Variants in CNOT6 observed in about 807,000 individuals in gnomAD.
CNOT6 encodes carbon catabolite repression 4 protein.
In CNOT6, 12 loss-of-function variants were observed where a neutral mutation model predicts 61.2. The ratio of observed to expected loss-of-function variants is 0.20; its 90% CI spans 0.13 to 0.32. The LOEUF is 0.32. Among genes scored for constraint, CNOT6 ranks in the 10% least tolerant of loss-of-function variants. The pLI is 1.00. For missense variants in CNOT6, 405 were observed against 663.9 expected (o/e 0.61, Z 4.28); for synonymous variants, 225 against 240.6 (o/e 0.94, Z 0.60).
intron 9 of CNOT6, 55 bp from the exon 10 acceptor site, chr5:180,569,055 A>G (rs1012738610): frequency 7.7e-7 from 1 of 1,291,178 alleles, no homozygotes; most frequent in Non-Finnish European, 1.1e-6. Flanking sequence ...GTAAGAATAT[A>G]TGGGCTGATG....
At position 180,573,552 on chromosome 5, in the gene CNOT6, A is replaced by AGT. The variant is rs755954581; in HGVS notation, c.1462-387_1462-386dup. On this transcript the variant is annotated intron_variant, in intron 11 of 11. Transcript: ENST00000261951. Reference sequence around the variant, plus strand: ...TCCAGGCAGAATGGTGGAGGGGGGCAGTGTGTGTGTGTGTGTGTGTGTGTG... The same window carrying AGT: ...TCCAGGCAGAATGGTGGAGGGGGGCAGTGTGTGTGTGTGTGTGTGTGTGTGTG... Among the ~76,000 whole-genome samples the AGT allele has an allele frequency of 3.8e-3, 451 of 119,248 alleles. 5 individuals are homozygous for AGT. The highest frequency in any genetic ancestry group is 7.0e-3 in the African/African-American group (218 of 31,130). The allele number at this position is 119,248 out of a possible 152,430, so 78.2% of individuals were successfully genotyped here.
At chr5:180,532,590 A>G (rs1340468110) in intron 2 of CNOT6, among the ~76,000 whole-genome samples, 2 of 152,152 alleles carry the variant, frequency 1.3e-5, no homozygotes, top group Admixed American at 6.5e-5. Context: ...TCTTTTCCCC[A>G]CACAGCAAGC....
At chr5:180,530,822 G>A (rs1416181053) in intron 2 of CNOT6, among the ~76,000 whole-genome samples, 1 of 152,070 alleles carries the variant, frequency 6.6e-6, no homozygotes, top group Non-Finnish European at 1.5e-5. Flanking sequence ...ATCTTGCACC[G>A]CCCTTAATCC....
intron 4 of CNOT6, among the ~76,000 whole-genome samples, chr5:180,563,789 G>C (rs868847045): frequency 2.6e-5 from 4 of 152,182 alleles, no homozygotes; most frequent in Admixed American, 6.5e-5. Context: ...CTGCACTGTT[G>C]TTATTTGTAC....
intron 1 of CNOT6, among the ~76,000 whole-genome samples, chr5:180,527,774 G>C (rs1484009316): frequency 6.6e-6 from 1 of 152,276 alleles, no homozygotes; most frequent in South Asian, 2.1e-4. Flanking sequence ...CCTGGTACTC[G>C]TCCATGGCCT....
intron 1 of CNOT6, among the ~76,000 whole-genome samples, chr5:180,499,744 C>T (rs757322702): frequency 2.6e-5 from 4 of 152,142 alleles, no homozygotes; most frequent in African/African-American, 4.8e-5. Flanking sequence ...ATAAATGTGG[C>T]ATTTTCTTTG....
At chr5:180,565,330 T>C (rs1760398039) in intron 6 of CNOT6, among the ~76,000 whole-genome samples, 1 of 152,252 alleles carries the variant, frequency 6.6e-6, no homozygotes, top group Admixed American at 6.5e-5. Flanking sequence ...TTAACCTAAA[T>C]TCTATGTAAA....
chr5:180,528,459 T>C (rs1473196194), intron 1 of CNOT6, among the ~76,000 whole-genome samples: 15 of 151,986 alleles, frequency 9.9e-5, no homozygotes, highest in South Asian at 2.1e-4. Flanking sequence ...TACAGGCGCC[T>C]GCCACCATGC....
At chr5:180,510,443 C>T (rs926023424) in intron 1 of CNOT6, among the ~76,000 whole-genome samples, 12 of 152,014 alleles carry the variant, frequency 7.9e-5, no homozygotes, top group East Asian at 1.9e-4. Context: ...ATTGAGGCTG[C>T]GAGAAAGGCT....
chr5:180,564,797 A>G, intron 6 of CNOT6, 54 bp downstream of exon 6: 1 of 1,298,056 alleles, frequency 7.7e-7, no homozygotes, highest in Non-Finnish European at 1.1e-6. Context: ...CTATAAGCCT[A>G]ACAGTATTGT....
intron 4 of CNOT6, among the ~76,000 whole-genome samples, chr5:180,559,950 A>ATT (rs528723433): frequency 0.026 from 3,713 of 141,546 alleles, 55 homozygotes; most frequent in South Asian, 0.029. Flanking sequence ...TAGTTTTATG[A>ATT]TTTTTTTTTT....
At chr5:180,516,893 C>A (rs1367991758) in intron 1 of CNOT6, among the ~76,000 whole-genome samples, 1 of 152,168 alleles carries the variant, frequency 6.6e-6, no homozygotes, top group East Asian at 1.9e-4. Context: ...TTGGCCAGTT[C>A]CTCTAGTTTT....
intron 3 of CNOT6, among the ~76,000 whole-genome samples, chr5:180,550,431 CAG>C (rs1297961423): frequency 1.3e-5 from 2 of 152,030 alleles, no homozygotes; most frequent in African/African-American, 4.8e-5. Context: ...GCCTGGGTGA[CAG>C]AGCGAGAGTC....
chr5:180,533,173 C>A (rs1378122860), intron 2 of CNOT6, among the ~76,000 whole-genome samples: 1 of 151,942 alleles, frequency 6.6e-6, no homozygotes, highest in Non-Finnish European at 1.5e-5. Flanking sequence ...TTCTGACCCA[C>A]AGTGAGATTA....
At chr5:180,548,874 A>G (rs1443668381) in intron 2 of CNOT6, among the ~76,000 whole-genome samples, 1 of 152,222 alleles carries the variant, frequency 6.6e-6, no homozygotes, top group Non-Finnish European at 1.5e-5. Flanking sequence ...TCTCTCTCAG[A>G]TTAGATCCTG....
At chr5:180,572,728 T>C (rs1453839350) in intron 11 of CNOT6, among the ~76,000 whole-genome samples, 1 of 150,200 alleles carries the variant, frequency 6.7e-6, no homozygotes, top group Non-Finnish European at 1.5e-5. Context: ...TTTTTTTTGG[T>C]AATTTTTTGT....
intron 1 of CNOT6, among the ~76,000 whole-genome samples, chr5:180,524,993 C>T (rs988262110): frequency 1.3e-5 from 2 of 152,146 alleles, no homozygotes; most frequent in Non-Finnish European, 2.9e-5. Flanking sequence ...CTGATACATG[C>T]GTGTCATTCA....
intron 7 of CNOT6, among the ~76,000 whole-genome samples, chr5:180,566,722 T>C (rs1238505763): frequency 6.9e-6 from 1 of 144,330 alleles, no homozygotes; most frequent in African/African-American, 2.6e-5. Flanking sequence ...TGCAGTGGCA[T>C]GATCTCAGCT....
At chr5:180,543,225 A>C (rs1182159801) in intron 2 of CNOT6, among the ~76,000 whole-genome samples, 3 of 151,882 alleles carry the variant, frequency 2.0e-5, no homozygotes, top group Non-Finnish European at 4.4e-5. Context: ...CTCCTGGCTA[A>C]ATTTTTTGTG....
Sources: allele counts gnomAD v4.1 joint callset (sites outside exome capture counted in the v4.1 genomes callset), GRCh38; gene constraint gnomAD v4.1.1; transcripts MANE v1.5; gene names NCBI Gene and HGNC (gene_info 2026-07-23, HGNC 2026-07-21).